Variants in SCHIP1 observed in about 807,000 individuals in gnomAD.
SCHIP1 encodes schwannomin-interacting protein 1.
In SCHIP1, 8 loss-of-function variants were observed where a neutral mutation model predicts 29.7. That is an observed-to-expected ratio of 0.27 (90% CI 0.16 to 0.49). The LOEUF (loss-of-function observed/expected upper bound fraction) is 0.49. Ranked by LOEUF, SCHIP1 falls within the 20% of genes least tolerant of loss-of-function variation. The pLI is 0.99. For synonymous variants in SCHIP1, 76 were observed against 94.9 expected (o/e 0.80, Z 1.16); for missense variants, 193 against 294.6 (o/e 0.66, Z 2.52).
At chr3:159,334,346 G>C in the SCHIP1 span, among the ~76,000 whole-genome samples, 31 of 152,260 alleles carry the variant, frequency 2.0e-4, no homozygotes, top group African/African-American at 6.3e-4. Flanking sequence ...TATTTGGTTT[G>C]ATATGCACAT....
the SCHIP1 span, among the ~76,000 whole-genome samples, chr3:159,347,797 C>T: frequency 1.3e-5 from 2 of 152,032 alleles, no homozygotes; most frequent in Non-Finnish European, 2.9e-5. Flanking sequence ...GATTCAATTC[C>T]TGAGTTATGA....
chr3:159,809,365 A>C, the SCHIP1 span, among the ~76,000 whole-genome samples: 1 of 151,964 alleles, frequency 6.6e-6, no homozygotes, highest in South Asian at 2.1e-4. Flanking sequence ...TATGTGCCAC[A>C]TTTTCTTAAT....
the SCHIP1 span, among the ~76,000 whole-genome samples, chr3:159,756,184 A>G: frequency 6.6e-6 from 1 of 152,208 alleles, no homozygotes; most frequent in East Asian, 1.9e-4. Context: ...GCCATAGCAG[A>G]GATTCTCCAT....
the SCHIP1 span, among the ~76,000 whole-genome samples, chr3:159,542,181 A>C: frequency 6.6e-6 from 1 of 152,126 alleles, no homozygotes; most frequent in Admixed American, 6.6e-5. Flanking sequence ...AGATCATTTA[A>C]ATAGCCTTTC....
At chr3:159,848,090 A>G (rs1020466245) in intron 1 of SCHIP1, among the ~76,000 whole-genome samples, 1 of 152,170 alleles carries the variant, frequency 6.6e-6, no homozygotes, top group African/African-American at 2.4e-5. Flanking sequence ...AATAATTTCC[A>G]CCAATGGCTG....
chr3:159,464,955 T>A, the SCHIP1 span, among the ~76,000 whole-genome samples: 2 of 152,280 alleles, frequency 1.3e-5, no homozygotes, highest in South Asian at 4.1e-4. Flanking sequence ...AGGGTCTGGA[T>A]CTCGTTCTCA....
the SCHIP1 span, chr3:159,274,564 T>C: frequency 1.2e-6 from 1 of 805,150 alleles, no homozygotes; most frequent in Non-Finnish European, 1.5e-6. Flanking sequence ...ATAAAAAAAA[T>C]GGTTTCTTCA....
At chr3:159,322,979 T>C in the SCHIP1 span, among the ~76,000 whole-genome samples, 1 of 152,176 alleles carries the variant, frequency 6.6e-6, no homozygotes, top group Admixed American at 6.5e-5. Context: ...AATATCCTCT[T>C]TGTCACCCAC....
At chr3:159,391,833 G>A in the SCHIP1 span, among the ~76,000 whole-genome samples, 1 of 152,100 alleles carries the variant, frequency 6.6e-6, no homozygotes, top group East Asian at 1.9e-4. Flanking sequence ...TCTGAGGCTT[G>A]GAGTTTTGAA....
the SCHIP1 span, among the ~76,000 whole-genome samples, chr3:159,594,254 G>T: frequency 1.3e-5 from 2 of 152,246 alleles, no homozygotes; most frequent in Non-Finnish European, 2.9e-5. Flanking sequence ...AGCATTGATG[G>T]CTGGGAAATT....
chr3:159,382,082 C>A, the SCHIP1 span, among the ~76,000 whole-genome samples: 62 of 151,968 alleles, frequency 4.1e-4, no homozygotes, highest in African/African-American at 1.4e-3. Flanking sequence ...AGTCACATAG[C>A]CACACTTACT....
At chr3:159,425,144 A>G in the SCHIP1 span, among the ~76,000 whole-genome samples, 2 of 152,134 alleles carry the variant, frequency 1.3e-5, no homozygotes, top group African/African-American at 4.8e-5. Flanking sequence ...TAACGAGCAA[A>G]ATAACCAGCT....
the SCHIP1 span, among the ~76,000 whole-genome samples, chr3:159,399,590 C>T: frequency 2.6e-5 from 4 of 152,148 alleles, no homozygotes; most frequent in Non-Finnish European, 5.9e-5. Flanking sequence ...TTCTATCAAT[C>T]ACTCTCTCCC....
At chr3:159,774,937 C>T in the SCHIP1 span, among the ~76,000 whole-genome samples, 1 of 152,216 alleles carries the variant, frequency 6.6e-6, no homozygotes, top group Non-Finnish European at 1.5e-5. Flanking sequence ...AGCAATATCA[C>T]ATTAATCATT....
chr3:159,808,846 A>G, the SCHIP1 span, among the ~76,000 whole-genome samples: 1 of 152,058 alleles, frequency 6.6e-6, no homozygotes, highest in Non-Finnish European at 1.5e-5. Context: ...AATTCCAGTT[A>G]CTCGGGAAGC....
chr3:159,379,750 GA>G, the SCHIP1 span, among the ~76,000 whole-genome samples: 1 of 151,676 alleles, frequency 6.6e-6, no homozygotes, highest in Admixed American at 6.6e-5. Flanking sequence ...ATGACAAAAA[GA>G]AAAGCTGCCT....
chr3:159,815,183 C>T, the SCHIP1 span, among the ~76,000 whole-genome samples: 189 of 152,270 alleles, frequency 1.2e-3, no homozygotes, highest in Non-Finnish European at 2.2e-3. Context: ...TCTTGATTAC[C>T]GTGGTCTGCA....
chr3:159,728,759 G>A, the SCHIP1 span, among the ~76,000 whole-genome samples: 1 of 152,200 alleles, frequency 6.6e-6, no homozygotes, highest in Admixed American at 6.5e-5. Flanking sequence ...GAGAGGCCCT[G>A]GATCCCTGGA....
At chr3:159,809,129 T>G in the SCHIP1 span, among the ~76,000 whole-genome samples, 2 of 147,084 alleles carry the variant, frequency 1.4e-5, no homozygotes, top group East Asian at 2.1e-4. Flanking sequence ...ATGCTATCCC[T>G]CCCCCAGCCC....
Sources: allele counts gnomAD v4.1 joint callset (sites outside exome capture counted in the v4.1 genomes callset), GRCh38; gene constraint gnomAD v4.1.1; transcripts MANE v1.5; gene names NCBI Gene and HGNC (gene_info 2026-07-23, HGNC 2026-07-21).